Variants in RAB3C observed in about 807,000 individuals in gnomAD.
RAB3C encodes the protein ras-related protein Rab-3C.
A neutral mutation model predicts 26.4 loss-of-function variants in RAB3C; 17 were observed. That is an observed-to-expected ratio of 0.64 (90% confidence interval 0.44 to 0.97). RAB3C has a LOEUF of 0.97. Ranked by LOEUF, RAB3C falls within the 50% of genes least tolerant of loss-of-function variation. RAB3C has a pLI of 0.00. For missense variants in RAB3C, 242 were observed against 281.9 expected, an observed-to-expected ratio of 0.86 and a Z score of 1.01; for synonymous variants, 91 against 95.9, an observed-to-expected ratio of 0.95 and a Z score of 0.30.
chr5:58,626,954 A>G (rs957795306), intron 2 of RAB3C, among the ~76,000 whole-genome samples: 1 of 152,168 alleles, frequency 6.6e-6, no homozygotes, highest in Non-Finnish European at 1.5e-5. Flanking sequence ...TGCTCTCTGG[A>G]TCACCTGGAT....
intron 3 of RAB3C, among the ~76,000 whole-genome samples, chr5:58,753,580 AAGG>A (rs1336266403): frequency 6.6e-6 from 1 of 152,184 alleles, no homozygotes; most frequent in Non-Finnish European, 1.5e-5. Flanking sequence ...GGTCAGCGTT[AAGG>A]AGGAGGAGAG....
At chr5:58,843,002 G>A (rs1402086712) in intron 4 of RAB3C, among the ~76,000 whole-genome samples, 1 of 152,188 alleles carries the variant, frequency 6.6e-6, no homozygotes, top group East Asian at 1.9e-4. Flanking sequence ...GGTTAAGAGT[G>A]TGGACTTTAG....
At chr5:58,730,815 T>A (rs1184628876) in intron 3 of RAB3C, among the ~76,000 whole-genome samples, 1 of 152,108 alleles carries the variant, frequency 6.6e-6, no homozygotes, top group Non-Finnish European at 1.5e-5. Flanking sequence ...GTTCTCAAAC[T>A]GATAATAAAG....
At chr5:58,828,593 C>T (rs1301015094) in intron 4 of RAB3C, among the ~76,000 whole-genome samples, 2 of 152,310 alleles carry the variant, frequency 1.3e-5, no homozygotes, top group East Asian at 1.9e-4. Flanking sequence ...GCGCTTCAGG[C>T]GCCAACATCC....
chr5:58,744,639 G>A (rs746414541), intron 3 of RAB3C, among the ~76,000 whole-genome samples: 3 of 152,336 alleles, frequency 2.0e-5, no homozygotes, highest in Middle Eastern at 6.8e-3. Flanking sequence ...AACTTTGAAA[G>A]CTTCTGAATT....
At chr5:58,823,875 C>A (rs1448683788) in intron 3 of RAB3C, among the ~76,000 whole-genome samples, 1 of 110,568 alleles carries the variant, frequency 9.0e-6, no homozygotes, top group Admixed American at 1.1e-4. Flanking sequence ...ATCCCTCCCC[C>A]ACCCCCCACC....
intron 1 of RAB3C, among the ~76,000 whole-genome samples, chr5:58,612,344 T>G (rs1746721548): frequency 6.6e-6 from 1 of 151,834 alleles, no homozygotes; most frequent in African/African-American, 2.4e-5. Context: ...TTTAATGATA[T>G]TGCTTCTTCC....
At chr5:58,701,076 A>G (rs1748832240) in intron 2 of RAB3C, among the ~76,000 whole-genome samples, 2 of 151,972 alleles carry the variant, frequency 1.3e-5, no homozygotes, top group Admixed American at 1.3e-4. Flanking sequence ...GCTCACTGCA[A>G]GCTCCGCCTC....
At chr5:58,672,251 A>G (rs972311513) in intron 2 of RAB3C, among the ~76,000 whole-genome samples, 4 of 152,186 alleles carry the variant, frequency 2.6e-5, no homozygotes, top group African/African-American at 9.7e-5. Flanking sequence ...CGGCACACTA[A>G]GCAAGGGGCA....
chr5:58,655,789 CTTTTTTTTTTT>C (rs34352086), intron 2 of RAB3C, among the ~76,000 whole-genome samples: 25 of 91,606 alleles, frequency 2.7e-4, no homozygotes, highest in Non-Finnish European at 2.2e-4. Flanking sequence ...AAACCTAACT[CTTTTTTTTTTT>C]TTTTTTTTTT....
chr5:58,758,630 G>A (rs1472475828), intron 3 of RAB3C, among the ~76,000 whole-genome samples: 1 of 152,102 alleles, frequency 6.6e-6, no homozygotes, highest in African/African-American at 2.4e-5. Context: ...AATCAAATGG[G>A]GAAGATAATA....
intron 3 of RAB3C, among the ~76,000 whole-genome samples, chr5:58,780,302 G>A (rs1742242355): frequency 1.3e-5 from 2 of 152,108 alleles, no homozygotes; most frequent in Admixed American, 1.3e-4. Context: ...TTTTTAGAGT[G>A]AATAATTTTT....
chr5:58,671,211 T>A (rs1036175511), intron 2 of RAB3C, among the ~76,000 whole-genome samples: 4 of 152,230 alleles, frequency 2.6e-5, no homozygotes, highest in African/African-American at 9.6e-5. Context: ...CAGGCACTGA[T>A]CAAAGCACGC....
chr5:58,720,517 G>A (rs912867791), intron 2 of RAB3C, among the ~76,000 whole-genome samples: 2 of 151,834 alleles, frequency 1.3e-5, no homozygotes, highest in African/African-American at 2.4e-5. Flanking sequence ...AGTGCTCAAT[G>A]ACTAAGTATT....
intron 2 of RAB3C, among the ~76,000 whole-genome samples, chr5:58,659,009 A>G (rs574151480): frequency 6.6e-6 from 1 of 152,326 alleles, no homozygotes; most frequent in South Asian, 2.1e-4. Flanking sequence ...CTTCTATGAC[A>G]GGAGAGATGG....
chr5:58,829,219 CAGTT>C (rs920099380), intron 4 of RAB3C, among the ~76,000 whole-genome samples: 1 of 151,918 alleles, frequency 6.6e-6, no homozygotes, highest in Non-Finnish European at 1.5e-5. Context: ...AGTGTTTTAA[CAGTT>C]AGTCTATATG....
rs1488103664 is a variant in RAB3C, at chr5:58,816,377, G to C, written c.372-8661G>C. On this transcript the variant is annotated intron_variant, in intron 3 of 4. Coordinates refer to ENST00000282878, the MANE Select transcript of RAB3C (RefSeq NM_138453.4). The stretch of plus-strand genomic sequence containing the variant: ...TATGGTAACAACCTGAGGAGAAAGG[G>C]AGCTGGGGTATCTATACTCCAACTT... 2.0e-5 allele frequency among the ~76,000 whole-genome samples: 3 copies of C among 152,268 alleles called. No homozygotes were observed. In the East Asian group the frequency reaches 5.8e-4, roughly 29 times the overall value.
intron 2 of RAB3C, among the ~76,000 whole-genome samples, chr5:58,712,779 C>T (rs951973417): frequency 3.3e-5 from 5 of 152,182 alleles, no homozygotes; most frequent in Admixed American, 6.5e-5. Context: ...CCCATCTCAG[C>T]CTCCCAAAGT....
intron 1 of RAB3C, among the ~76,000 whole-genome samples, chr5:58,598,903 T>C (rs1746387618): frequency 6.6e-6 from 1 of 152,088 alleles, no homozygotes; most frequent in Admixed American, 6.6e-5. Flanking sequence ...AGAATAGCAT[T>C]GGTGGGAATT....
Sources: gnomAD v4.1 joint callset for allele counts (sites outside exome capture counted in the v4.1 genomes callset) on GRCh38, gnomAD v4.1.1 for gene constraint, MANE v1.5 for transcripts, NCBI Gene and HGNC (gene_info 2026-07-23, HGNC 2026-07-21) for gene names.